The following CTNNA2 variants were observed in gnomAD, a reference collection of about 807,000 sequenced individuals.
CTNNA2 encodes the protein catenin alpha 2, also known as catenin alpha-2.
In CTNNA2, 42 loss-of-function variants were observed where a neutral mutation model predicts 101.0. The observed-to-expected ratio is 0.42, with a 90% CI of 0.32 to 0.54. CTNNA2 has a LOEUF of 0.54. Among genes scored for constraint, CTNNA2 ranks in the 20% least tolerant of loss-of-function variants. CTNNA2 has a pLI of 0.14. For missense variants in CTNNA2, 871 were observed against 1,223.1 expected, an observed-to-expected ratio of 0.71 and a Z score of 4.29; for synonymous variants, 450 against 456.4, an observed-to-expected ratio of 0.99 and a Z score of 0.18.
In CTNNA2 at chr2:80,423,595, G is replaced by A. The variant is rs114913371; in HGVS notation, c.1290+3994G>A. Among the ~76,000 whole-genome samples the A allele has an allele frequency of 8.3e-3, 1,263 of 151,948 alleles. 23 individuals carry two copies. The highest frequency in any genetic ancestry group is 0.029 in the African/African-American group (1,187 of 41,426). On this transcript the variant is annotated intron_variant, in intron 9 of 18. Coordinates refer to ENST00000402739, the MANE Select transcript of CTNNA2 (RefSeq NM_001282597.3). ...ATCAATTTTGTTTTTGTTTTGGGGC[G>A]GCTCCACAGATGGCAGCCCCCAACA...
At chr2:79,338,666 G>C (rs780722883) in intron 3 of CTNNA2, among the ~76,000 whole-genome samples, 7 of 135,446 alleles carry the variant, frequency 5.2e-5, no homozygotes, top group Non-Finnish European at 9.5e-5. Context: ...GGCTGCTCTG[G>C]ATTATTTGGT....
intron 7 of CTNNA2, among the ~76,000 whole-genome samples, chr2:80,330,685 G>A (rs1026122669): frequency 6.6e-6 from 1 of 152,130 alleles, no homozygotes; most frequent in Admixed American, 6.6e-5. Context: ...AAGCCCTTCA[G>A]AAGCTGCCTT....
At chr2:80,055,186 T>C (rs1697139314) in intron 7 of CTNNA2, among the ~76,000 whole-genome samples, 1 of 151,976 alleles carries the variant, frequency 6.6e-6, no homozygotes, top group African/African-American at 2.4e-5. Flanking sequence ...ACCACCATGC[T>C]CAGCTCACTT....
At chr2:79,592,273 A>C (rs1466154613) in intron 1 of CTNNA2, among the ~76,000 whole-genome samples, 1 of 149,358 alleles carries the variant, frequency 6.7e-6, no homozygotes. Context: ...GGTGCCCAAC[A>C]CCACGCCCAG....
At chr2:80,289,892 A>C (rs750399483) in intron 7 of CTNNA2, among the ~76,000 whole-genome samples, 32 of 152,208 alleles carry the variant, frequency 2.1e-4, no homozygotes, top group Non-Finnish European at 4.0e-4. Context: ...GAAGGACTTA[A>C]TTCACAGCAG....
intron 4 of CTNNA2, among the ~76,000 whole-genome samples, chr2:79,477,521 G>A (rs1183565700): frequency 1.3e-5 from 2 of 152,002 alleles, no homozygotes; most frequent in Non-Finnish European, 2.9e-5. Flanking sequence ...TCTGATTTCT[G>A]GTGTTTGTGG....
At chr2:80,448,453 G>A (rs557002044) in intron 9 of CTNNA2, among the ~76,000 whole-genome samples, 19 of 152,180 alleles carry the variant, frequency 1.2e-4, no homozygotes, top group Admixed American at 3.9e-4. Flanking sequence ...CCTTTGTTTC[G>A]CCTAGCCTGT....
At chr2:80,102,365 C>T (rs1032506577) in intron 7 of CTNNA2, among the ~76,000 whole-genome samples, 2 of 152,184 alleles carry the variant, frequency 1.3e-5, no homozygotes, top group Non-Finnish European at 2.9e-5. Context: ...CTGTTTTGAT[C>T]ATATTGCTCT....
intron 3 of CTNNA2, among the ~76,000 whole-genome samples, chr2:79,366,065 T>C (rs1677743218): frequency 6.6e-6 from 1 of 152,230 alleles, no homozygotes. Flanking sequence ...GAACATAGTC[T>C]GTGCTCTTAA....
intron 7 of CTNNA2, among the ~76,000 whole-genome samples, chr2:80,138,589 A>T (rs565500312): frequency 4.6e-5 from 7 of 152,110 alleles, no homozygotes; most frequent in Middle Eastern, 3.2e-3. Flanking sequence ...CCAAGTACCC[A>T]TCACAACACA....
At chr2:80,130,700 A>G (rs1419765541) in intron 7 of CTNNA2, among the ~76,000 whole-genome samples, 1 of 152,168 alleles carries the variant, frequency 6.6e-6, no homozygotes, top group Non-Finnish European at 1.5e-5. Context: ...AAACAGGTAT[A>G]TAAGTAAACA....
intron 4 of CTNNA2, among the ~76,000 whole-genome samples, chr2:79,390,805 T>C (rs911782963): frequency 2.6e-5 from 4 of 152,178 alleles, no homozygotes; most frequent in Admixed American, 1.3e-4. Context: ...GTCACCTGTG[T>C]CGTGTCTCAA....
At chr2:80,537,574 G>A (rs754620565) in intron 9 of CTNNA2, among the ~76,000 whole-genome samples, 12 of 151,408 alleles carry the variant, frequency 7.9e-5, no homozygotes, top group East Asian at 1.9e-4. Context: ...CCACAGCCTC[G>A]CAAGCATCTG....
chr2:80,614,668 A>AT (rs938019719), intron 17 of CTNNA2, among the ~76,000 whole-genome samples: 2 of 151,338 alleles, frequency 1.3e-5, no homozygotes, highest in East Asian at 1.9e-4. Flanking sequence ...TCATTCCAAG[A>AT]TTTTTTTTAA....
chr2:79,487,431 G>T (rs554615704), intron 4 of CTNNA2, among the ~76,000 whole-genome samples: 1 of 152,328 alleles, frequency 6.6e-6, no homozygotes, highest in African/African-American at 2.4e-5. Flanking sequence ...TCAACAGAGT[G>T]TAGTGAACAT....
intron 3 of CTNNA2, among the ~76,000 whole-genome samples, chr2:79,845,432 C>T (rs928823867): frequency 6.6e-6 from 1 of 152,110 alleles, no homozygotes; most frequent in Non-Finnish European, 1.5e-5. Flanking sequence ...CACAAGCACA[C>T]ATATAGCTAT....
chr2:79,746,633 T>C (rs569935122), intron 3 of CTNNA2, among the ~76,000 whole-genome samples: 35 of 152,330 alleles, frequency 2.3e-4, no homozygotes, highest in African/African-American at 8.4e-4. Flanking sequence ...TATATATCTG[T>C]TTAATGGACC....
At chr2:80,525,847 G>T (rs575036720) in intron 9 of CTNNA2, among the ~76,000 whole-genome samples, 1 of 152,236 alleles carries the variant, frequency 6.6e-6, no homozygotes, top group African/African-American at 2.4e-5. Context: ...CAATACGTGT[G>T]CCTGGGACCT....
intron 4 of CTNNA2, among the ~76,000 whole-genome samples, chr2:79,461,120 G>C (rs1482290369): frequency 6.6e-6 from 1 of 152,200 alleles, no homozygotes; most frequent in Non-Finnish European, 1.5e-5. Flanking sequence ...GGGATTATAG[G>C]CGTGAGCCAC....
Sources: gnomAD v4.1 joint callset for allele counts (sites outside exome capture counted in the v4.1 genomes callset) on GRCh38, gnomAD v4.1.1 for gene constraint, MANE v1.5 for transcripts, NCBI Gene and HGNC (gene_info 2026-07-23, HGNC 2026-07-21) for gene names.